Variants in DNAH12 observed in about 807,000 individuals in gnomAD.
DNAH12 encodes the protein axonemal beta dynein heavy chain 12.
DNAH12 carries 285 observed loss-of-function variants against 371.5 expected under a neutral mutation model. That is an observed-to-expected ratio of 0.77 (90% CI 0.70 to 0.85). DNAH12 has a LOEUF of 0.85. Among genes scored for constraint, DNAH12 ranks in the 40% least tolerant of loss-of-function variants. DNAH12 has a pLI of 0.00. For synonymous variants in DNAH12, 1,200 were observed against 1,213.0 expected (o/e 0.99, Z 0.22); for missense variants, 3,611 against 3,689.4 (o/e 0.98, Z 0.55).
chr3:57,323,494 T>C lies in DNAH12; in HGVS notation c.10104A>G (p.Leu3368=), dbSNP rs78492254. Reference sequence around the variant, plus strand: ...TGGCCATAGGATCTGCTCCTGGAGATAGAACAAAAATTAAGGGAATGGTGC... The same window carrying C: ...TGGCCATAGGATCTGCTCCTGGAGACAGAACAAAAATTAAGGGAATGGTGC... ...SNCTIPLIFV[L]SPGADPMASL... Residue 3368 remains leucine (L), a synonymous_variant, in exon 63 of 74, where the codon CTA becomes CTG. Coordinates refer to ENST00000495027, the MANE Select transcript of DNAH12 (RefSeq NM_001366028.2). 853 of 1,550,044 alleles carry C rather than the reference T, an allele frequency of 5.5e-4. 1 individual carries two copies. The highest frequency in any genetic ancestry group is 6.6e-4 in the Non-Finnish European group (753 of 1,146,594).
At chr3:57,296,822 T>G (rs1484892689) in intron 71 of DNAH12, 25 bp downstream of exon 71, 1 of 1,550,046 alleles carries the variant, frequency 6.5e-7, no homozygotes, top group East Asian at 2.4e-5. Flanking sequence ...AATGATATAC[T>G]GTTGACTTTA....
At chr3:57,519,568 G>C in intron 4 of DNAH12, 1 of 690,308 alleles carries the variant, frequency 1.4e-6, no homozygotes, top group Admixed American at 2.2e-5. Flanking sequence ...ACTCCTATTT[G>C]AAGAAGTAAT....
chr3:57,331,430 G>A (rs936604187), intron 62 of DNAH12, among the ~76,000 whole-genome samples: 4 of 152,250 alleles, frequency 2.6e-5, no homozygotes, highest in East Asian at 3.9e-4. Flanking sequence ...TCTAGTTAGA[G>A]TCACTGTGTA....
chr3:57,386,555 A>G lies in DNAH12; in HGVS notation c.7488T>C (p.Tyr2496=), dbSNP rs2063502847. 1 of 152,222 alleles carries G rather than the reference A, an allele frequency of 6.6e-6. No individual in the cohort carries two copies. Among genetic ancestry groups the G allele is most frequent in the Non-Finnish European group, 1.5e-5 (1 of 68,042 alleles). The allele number at this position is 152,222 out of a possible 1,614,324, so 9.4% of individuals were successfully genotyped here. Residue 2496 remains tyrosine, a synonymous_variant, in exon 47 of 74, where the codon TAT becomes TAC. Transcript: ENST00000495027. ...GRHNYVTATS[Y]LELIGSFRQL... The stretch of plus-strand genomic sequence containing the variant: ...GTCGAAATGAGCCAATGAGTTCAAG[A>G]TAAGAAGTAGCAGTAACATAGTTAT...
At chr3:57,515,308 A>C (rs991998059) in intron 4 of DNAH12, among the ~76,000 whole-genome samples, 4 of 152,212 alleles carry the variant, frequency 2.6e-5, no homozygotes, top group Non-Finnish European at 5.9e-5. Flanking sequence ...AGAATAGAAA[A>C]AGTATATATA....
chr3:57,321,243 A>T (rs1277345126), intron 65 of DNAH12, among the ~76,000 whole-genome samples: 1 of 152,142 alleles, frequency 6.6e-6, no homozygotes, highest in Non-Finnish European at 1.5e-5. Context: ...AAAACCACAA[A>T]ATATCCTCTC....
chr3:57,478,647 G>A (rs2066622145), intron 13 of DNAH12, among the ~76,000 whole-genome samples: 1 of 152,072 alleles, frequency 6.6e-6, no homozygotes, highest in Non-Finnish European at 1.5e-5. Context: ...TTGAAATGAA[G>A]GAAAAAATGT....
At chr3:57,432,381 T>C (rs1027721170) in intron 32 of DNAH12, among the ~76,000 whole-genome samples, 1 of 150,316 alleles carries the variant, frequency 6.7e-6, no homozygotes, top group Non-Finnish European at 1.5e-5. Flanking sequence ...GGTTTCACCA[T>C]GTTGCTCAGG....
chr3:57,486,773 T>C (rs183949039), intron 12 of DNAH12, among the ~76,000 whole-genome samples: 17 of 152,194 alleles, frequency 1.1e-4, no homozygotes, highest in Admixed American at 9.8e-4. Context: ...TGAGCTATAA[T>C]TGTGCTACTG....
At chr3:57,451,366 C>G (rs1407217664) in intron 25 of DNAH12, among the ~76,000 whole-genome samples, 1 of 152,188 alleles carries the variant, frequency 6.6e-6, no homozygotes, top group Non-Finnish European at 1.5e-5. Context: ...CCCAGTGGCT[C>G]ACGTCTGCAA....
Position 57,334,780 on chromosome 3 carries a change from A to G in DNAH12, c.9833+2T>C, listed in dbSNP as rs1244188924. 1 of 1,542,162 alleles carries G rather than the reference A, an allele frequency of 6.5e-7. No homozygotes were observed. Reference sequence around the variant, plus strand: ...GATAAATCATCGAATTTAAACAATCACCTGAGTCCTCTGAAGGCAGGAAAT... The same window carrying G: ...GATAAATCATCGAATTTAAACAATCGCCTGAGTCCTCTGAAGGCAGGAAAT... On this transcript the variant is annotated splice_donor_variant, in intron 61 of 73. Coordinates refer to ENST00000495027, the MANE Select transcript of DNAH12 (RefSeq NM_001366028.2). LOFTEE classifies it high-confidence loss of function.
rs373318499 is a variant in DNAH12, at chr3:57,520,544, G to A, written c.279+3039C>T. 1.9e-4 allele frequency among the ~76,000 whole-genome samples: 28 copies of A among 151,300 alleles called. No individual in the cohort carries two copies. The South Asian group carries it at 5.9e-3, about 32-fold the overall frequency. On this transcript the variant is annotated intron_variant, in intron 4 of 73. Transcript: ENST00000495027. The stretch of plus-strand genomic sequence containing the variant: ...TGCAAGCTCCGCCTCCCGGGTTGAC[G>A]CCATTCTCCTGCCTCAGCCTCCCGA...
At chr3:57,542,503 A>G (rs1474529630) in intron 2 of DNAH12, among the ~76,000 whole-genome samples, 198 bp downstream of exon 2, 3 of 152,228 alleles carry the variant, frequency 2.0e-5, no homozygotes, top group Non-Finnish European at 2.9e-5. Flanking sequence ...AGTATAGGCG[A>G]TAAGAACAAT....
chr3:57,371,690 C>CAG (rs1273741413), intron 55 of DNAH12, among the ~76,000 whole-genome samples: 2 of 148,590 alleles, frequency 1.3e-5, no homozygotes, highest in African/African-American at 2.6e-5. Context: ...CACACACACA[C>CAG]AAACACACGT....
chr3:57,433,316 T>TA, intron 32 of DNAH12, 51 bp downstream of exon 32: 2 of 1,518,210 alleles, frequency 1.3e-6, no homozygotes, highest in Admixed American at 4.3e-5. Flanking sequence ...GCTGAACACA[T>TA]AAAATTGCTT....
At chr3:57,499,026 C>A (rs866710136) in intron 11 of DNAH12, among the ~76,000 whole-genome samples, 1 of 151,764 alleles carries the variant, frequency 6.6e-6, no homozygotes, top group East Asian at 1.9e-4. Flanking sequence ...CACACACACA[C>A]AAAAACAAAA....
chr3:57,464,918 C>T (rs779348059), intron 17 of DNAH12, among the ~76,000 whole-genome samples: 2 of 152,114 alleles, frequency 1.3e-5, no homozygotes, highest in Non-Finnish European at 2.9e-5. Flanking sequence ...CAAAATTAAA[C>T]ACAAAATCTG....
At chr3:57,383,821 T>A (rs2063448011) in intron 49 of DNAH12, among the ~76,000 whole-genome samples, 1 of 149,598 alleles carries the variant, frequency 6.7e-6, no homozygotes, top group African/African-American at 2.4e-5. Context: ...AGAAAGAATA[T>A]AGTAAGCTCA....
intron 32 of DNAH12, 79 bp downstream of exon 32, chr3:57,433,288 T>G: frequency 7.2e-7 from 1 of 1,389,200 alleles, no homozygotes; most frequent in Non-Finnish European, 9.4e-7. Context: ...TTATTTTAAA[T>G]AGAGTCCTAG....
Sources: gnomAD v4.1 joint callset for allele counts (sites outside exome capture counted in the v4.1 genomes callset) on GRCh38, gnomAD v4.1.1 for gene constraint, MANE v1.5 for transcripts, NCBI Gene and HGNC (gene_info 2026-07-23, HGNC 2026-07-21) for gene names.